Variants in CNGB3 observed in about 807,000 individuals in gnomAD.
The protein encoded by CNGB3 is cyclic nucleotide-gated channel beta-3.
In CNGB3, 86 loss-of-function variants were observed where a neutral mutation model predicts 92.8. The observed-to-expected ratio is 0.93, with a 90% CI of 0.78 to 1.11. CNGB3 has a LOEUF of 1.11. CNGB3 is among the 50% of genes least tolerant of loss of function. The pLI, the probability that CNGB3 is intolerant of heterozygous loss-of-function variation, is 0.00. For missense variants in CNGB3, 1,026 were observed against 956.8 expected (o/e 1.07, Z -0.95); for synonymous variants, 333 against 332.7 (o/e 1.00, Z -0.01).
At chr8:86,707,793 G>A (rs1344745655) in intron 3 of CNGB3, 1 of 152,172 alleles carries the variant, frequency 6.6e-6, no homozygotes, top group Non-Finnish European at 1.5e-5. Flanking sequence ...TGAGAGAGAT[G>A]AACTAGGAGA....
intron 10 of CNGB3, among the ~76,000 whole-genome samples, chr8:86,639,464 T>C (rs1175701668): frequency 6.6e-6 from 1 of 152,106 alleles, no homozygotes; most frequent in African/African-American, 2.4e-5. Flanking sequence ...AATGGAATCA[T>C]AATAAACTTG....
At position 86,575,931 on chromosome 8, in the gene CNGB3, T is replaced by C. The variant is rs758454854; in HGVS notation, c.2303A>G (p.His768Arg). 6.2e-7 allele frequency: 1 copy of C among 1,613,940 alleles called. No individual in the cohort carries two copies. The highest frequency in any genetic ancestry group is 1.1e-5 in the South Asian group (1 of 91,010). ...GGGTAAAACTGTCCTTCTAACTGAG[T>C]GGGGTTCTTCCTCCACTGCAATAGG... Reference protein sequence around the residue: ...ASPIAVEEEPHSVRRTVLPRG... With the variant: ...ASPIAVEEEPRSVRRTVLPRG... The change falls in exon 18 of 18, where the codon CAC becomes CGC. Residue 768 changes from histidine to arginine, a missense_variant. Transcript: ENST00000320005.
chr8:86,596,630 G>T (rs1232181852), intron 15 of CNGB3, among the ~76,000 whole-genome samples: 1 of 152,210 alleles, frequency 6.6e-6, no homozygotes, highest in Non-Finnish European at 1.5e-5. Context: ...TGGGGATAGA[G>T]TATAGAACAA....
intron 11 of CNGB3, 98 bp from the exon 12 acceptor site, chr8:86,629,176 C>A: frequency 7.7e-7 from 1 of 1,294,856 alleles, no homozygotes; most frequent in South Asian, 1.2e-5. Flanking sequence ...CCTTCTAATG[C>A]CCTGATTACT....
At chr8:86,590,645 T>A (rs1420164033) in intron 15 of CNGB3, among the ~76,000 whole-genome samples, 1 of 151,350 alleles carries the variant, frequency 6.6e-6, no homozygotes, top group Non-Finnish European at 1.5e-5. Flanking sequence ...AATTCTTTTC[T>A]TTAAGAATGT....
chr8:86,691,806 G>A (rs957974950), intron 3 of CNGB3, among the ~76,000 whole-genome samples: 1 of 152,180 alleles, frequency 6.6e-6, no homozygotes, highest in African/African-American at 2.4e-5. Flanking sequence ...GCTCCTTGAG[G>A]TGTAACTTTA....
intron 15 of CNGB3, among the ~76,000 whole-genome samples, chr8:86,582,387 C>A: frequency 9.2e-6 from 1 of 108,376 alleles, no homozygotes; most frequent in African/African-American, 3.2e-5. Context: ...GAGGGAGACC[C>A]TATCTCAAAA....
At chr8:86,668,235 A>T in intron 4 of CNGB3, 67 bp from the exon 5 acceptor site, 1 of 1,481,316 alleles carries the variant, frequency 6.8e-7, no homozygotes, top group Non-Finnish European at 9.2e-7. Flanking sequence ...AAAAACTTGA[A>T]TTTCTTAACC....
intron 14 of CNGB3, among the ~76,000 whole-genome samples, chr8:86,610,719 G>T (rs1224557193): frequency 6.6e-6 from 1 of 152,084 alleles, no homozygotes; most frequent in Non-Finnish European, 1.5e-5. Context: ...TTTGATTATT[G>T]AGTTTATCTT....
At chr8:86,628,521 C>T (rs550861119) in intron 12 of CNGB3, among the ~76,000 whole-genome samples, 4 of 152,208 alleles carry the variant, frequency 2.6e-5, no homozygotes, top group East Asian at 3.9e-4. Flanking sequence ...AGAAGAGATG[C>T]GGGTCTGAGT....
chr8:86,694,137 A>C (rs1212036260), intron 3 of CNGB3, among the ~76,000 whole-genome samples: 9 of 92,196 alleles, frequency 9.8e-5, no homozygotes, highest in Non-Finnish European at 1.7e-4. Context: ...TGACCCCCCC[A>C]CCTCCCTCCT....
intron 1 of CNGB3, among the ~76,000 whole-genome samples, chr8:86,742,145 G>T (rs1185237064): frequency 4.6e-5 from 7 of 152,194 alleles, no homozygotes; most frequent in African/African-American, 7.2e-5. Context: ...TTCTCCAAGA[G>T]AATAATATAT....
chr8:86,694,182 C>G (rs1824389276), intron 3 of CNGB3, among the ~76,000 whole-genome samples: 1 of 141,946 alleles, frequency 7.0e-6, no homozygotes, highest in South Asian at 2.2e-4. Flanking sequence ...GGGCTGACCC[C>G]CCCCACCTCC....
chr8:86,718,019 G>A (rs763132482), intron 3 of CNGB3, among the ~76,000 whole-genome samples: 42 of 151,684 alleles, frequency 2.8e-4, no homozygotes, highest in Admixed American at 2.6e-4. Context: ...AAAGTGGTGC[G>A]AAGAGCAACA....
At chr8:86,586,567 A>G (rs1232793730) in intron 15 of CNGB3, among the ~76,000 whole-genome samples, 4 of 146,310 alleles carry the variant, frequency 2.7e-5, no homozygotes, top group African/African-American at 1.0e-4. Flanking sequence ...ATTCCCACCT[A>G]TGAGTGAGAA....
chr8:86,671,838 G>T (rs546719249), intron 3 of CNGB3, among the ~76,000 whole-genome samples: 1 of 152,152 alleles, frequency 6.6e-6, no homozygotes, highest in Non-Finnish European at 1.5e-5. Context: ...CAGCCTCCCA[G>T]TGAGAGCCTA....
intron 15 of CNGB3, among the ~76,000 whole-genome samples, chr8:86,580,712 T>TGA (rs1821746999): frequency 6.6e-6 from 1 of 152,218 alleles, no homozygotes; most frequent in East Asian, 1.9e-4. Context: ...AAGTCTGTCG[T>TGA]TACCGGTGAT....
intron 6 of CNGB3, among the ~76,000 whole-genome samples, chr8:86,664,954 T>C (rs966739612): frequency 2.6e-5 from 4 of 152,176 alleles, no homozygotes; most frequent in African/African-American, 9.7e-5. Context: ...AAATCTTCTG[T>C]GCTGTCCACC....
At chr8:86,720,694 G>A (rs116420904) in intron 3 of CNGB3, among the ~76,000 whole-genome samples, 2,913 of 151,954 alleles carry the variant, frequency 0.019, 91 homozygotes, top group African/African-American at 0.067. Context: ...AGGTACTTGC[G>A]CATGCATGTT....
Sources: allele counts gnomAD v4.1 joint callset (sites outside exome capture counted in the v4.1 genomes callset), GRCh38; gene constraint gnomAD v4.1.1; transcripts MANE v1.5; gene names NCBI Gene and HGNC (gene_info 2026-07-23, HGNC 2026-07-21).